ANO4: variants seen among roughly 807,000 people sequenced by gnomAD.
The protein encoded by ANO4 is anoctamin 4, also known as anoctamin-4.
A neutral mutation model predicts 141.9 loss-of-function variants in ANO4; 69 were observed. That is an observed-to-expected ratio of 0.49 (90% CI 0.40 to 0.59). The LOEUF (loss-of-function observed/expected upper bound fraction) is 0.59, where lower values mean the gene tolerates loss of function less well. ANO4 is among the 20% of genes least tolerant of loss of function. The probability of loss-of-function intolerance (pLI) is 0.00; values close to 1 mark genes in which losing one functional copy is unlikely to be tolerated. For missense variants in ANO4, 894 were observed against 1,162.2 expected (o/e 0.77, Z 3.36); for synonymous variants, 350 against 394.3 (o/e 0.89, Z 1.33).
At chr12:100,745,014 A>G (rs1417107197) in intron 3 of ANO4, among the ~76,000 whole-genome samples, 1 of 144,714 alleles carries the variant, frequency 6.9e-6, no homozygotes, top group Non-Finnish European at 1.5e-5. Flanking sequence ...CTCTTTTTCC[A>G]CCTCCTCCTG....
At chr12:100,845,497 A>G (rs115555604) in intron 1 of ANO4, among the ~76,000 whole-genome samples, 1,785 of 152,186 alleles carry the variant, frequency 0.012, 26 homozygotes, top group African/African-American at 0.04. Context: ...CATGACTGAA[A>G]CTTGCCTGTC....
intron 7 of ANO4, among the ~76,000 whole-genome samples, chr12:100,977,768 A>G (rs1406286010): frequency 6.6e-6 from 1 of 152,128 alleles, no homozygotes; most frequent in African/African-American, 2.4e-5. Context: ...AAATCTGATT[A>G]TTGTCACTTG....
chr12:100,859,930 A>G (rs997760521), intron 1 of ANO4, among the ~76,000 whole-genome samples: 4 of 152,150 alleles, frequency 2.6e-5, no homozygotes, highest in African/African-American at 9.7e-5. Flanking sequence ...ATTAAAATTC[A>G]TCCATCACCT....
At chr12:100,891,409 A>G (rs939714618) in intron 1 of ANO4, among the ~76,000 whole-genome samples, 3 of 152,172 alleles carry the variant, frequency 2.0e-5, no homozygotes, top group Non-Finnish European at 4.4e-5. Context: ...CTGTCTTCCA[A>G]AGTGGCCATA....
chr12:100,793,966 ATTG>A (rs2034154183), upstream of ANO4, among the ~76,000 whole-genome samples: 1 of 152,122 alleles, frequency 6.6e-6, no homozygotes, highest in South Asian at 2.1e-4. Flanking sequence ...GTGTTTATGA[ATTG>A]TTATTATTGT....
intron 14 of ANO4, among the ~76,000 whole-genome samples, chr12:101,061,763 C>G (rs946401458): frequency 4.0e-5 from 6 of 151,880 alleles, no homozygotes; most frequent in Admixed American, 1.3e-4. Flanking sequence ...ACTGGTTATT[C>G]TAGTTAGCAA....
chr12:100,831,834 A>G (rs1362125672), intron 1 of ANO4, among the ~76,000 whole-genome samples: 5 of 152,024 alleles, frequency 3.3e-5, no homozygotes, highest in African/African-American at 1.2e-4. Context: ...TGACTTCTTT[A>G]TTAGTAGAGT....
chr12:100,995,730 T>C (rs1438681346), intron 8 of ANO4, among the ~76,000 whole-genome samples: 3 of 152,212 alleles, frequency 2.0e-5, no homozygotes, highest in Admixed American at 2.0e-4. Flanking sequence ...GGCACAGATT[T>C]TATGTGAAAT....
chr12:100,986,720 C>A (rs189411153), intron 7 of ANO4, among the ~76,000 whole-genome samples: 6 of 152,214 alleles, frequency 3.9e-5, no homozygotes, highest in South Asian at 4.2e-4. Context: ...GTAGTGCTAT[C>A]ATTTTAAAGT....
intron 3 of ANO4, among the ~76,000 whole-genome samples, chr12:100,924,157 T>A (rs2041764499): frequency 6.6e-6 from 1 of 152,192 alleles, no homozygotes; most frequent in South Asian, 2.1e-4. Context: ...ATCCCATTTG[T>A]CAATTTTGGC....
At chr12:100,989,599 A>G (rs1216102965) in intron 8 of ANO4, among the ~76,000 whole-genome samples, 3 of 145,858 alleles carry the variant, frequency 2.1e-5, no homozygotes, top group Non-Finnish European at 4.6e-5. Context: ...GGATACATGG[A>G]TAGGTCACTG....
intron 26 of ANO4, among the ~76,000 whole-genome samples, chr12:101,121,265 C>T (rs1197658851): frequency 6.6e-6 from 1 of 151,088 alleles, no homozygotes; most frequent in Non-Finnish European, 1.5e-5. Flanking sequence ...CTGTTGTTCT[C>T]ATCTTTATGT....
intron 1 of ANO4, among the ~76,000 whole-genome samples, chr12:100,883,761 G>C (rs1018041386): frequency 6.6e-6 from 1 of 152,176 alleles, no homozygotes; most frequent in African/African-American, 2.4e-5. Context: ...GCAGTAGGAA[G>C]CAATGTTGAC....
rs373890363 is a variant in ANO4, at chr12:101,099,651, C to G, written c.2080C>G (p.Gln694Glu). The G allele has an allele frequency of 1.4e-5, 22 of 1,611,456 alleles. No homozygotes were observed. Among genetic ancestry groups the G allele is most frequent in the Non-Finnish European group, 1.8e-5 (21 of 1,178,718 alleles). The change falls in exon 22 of 28, where the codon CAA becomes GAA. Residue 694 changes from glutamine (Q) to glutamate (E), a missense_variant. Coordinates refer to ENST00000392977, the MANE Select transcript of ANO4 (RefSeq NM_001286615.2). ...ACCTGAAAGGAAAATAAGTTTCCCA[C>G]AATGGGAAAAGGACTATAACCTTCA... ...HGPERKISFPQWEKDYNLQPM... is the reference protein window; with the variant it reads ...HGPERKISFPEWEKDYNLQPM...
Position 100,937,727 on chromosome 12 carries a change from A to T in ANO4, c.161-1588A>T, listed in dbSNP as rs141686570. ...CTGGAGGTCAGAAGTCCCAAAATCA[A>T]GACTCTCCTCTCTGGAGGCTCCAGG... On this transcript the variant is annotated intron_variant, in intron 3 of 27. Coordinates refer to ENST00000392977, the MANE Select transcript of ANO4 (RefSeq NM_001286615.2). Among the ~76,000 whole-genome samples, 1,355 of 152,240 alleles carry T rather than the reference A, an allele frequency of 8.9e-3. 28 individuals are homozygous for T. The highest frequency in any genetic ancestry group is 0.031 in the African/African-American group (1,291 of 41,530).
chr12:101,088,976 G>A (rs11110649), intron 17 of ANO4, among the ~76,000 whole-genome samples: 20,274 of 152,088 alleles, frequency 0.13, 1,417 homozygotes, highest in East Asian at 0.21. Context: ...ACAGTTGTTA[G>A]GCATGGAGTA....
chr12:100,783,714 A>G (rs1463193753), intron 3 of ANO4, among the ~76,000 whole-genome samples: 1 of 152,136 alleles, frequency 6.6e-6, no homozygotes, highest in Non-Finnish European at 1.5e-5. Flanking sequence ...AGAGGTCAGG[A>G]ATTTGCAGCT....
intron 5 of ANO4, among the ~76,000 whole-genome samples, chr12:100,962,133 A>C (rs1475951495): frequency 6.6e-6 from 1 of 152,204 alleles, no homozygotes; most frequent in East Asian, 1.9e-4. Flanking sequence ...TTAGTTTCTC[A>C]TAAATTTAGC....
chr12:100,979,895 C>CTTTTTTTTTTTTTTT (rs71091474), intron 7 of ANO4, among the ~76,000 whole-genome samples: 38 of 119,400 alleles, frequency 3.2e-4, no homozygotes, highest in African/African-American at 6.9e-4. Context: ...GCCCAGCTGA[C>CTTTTTTTTTTTTTTT]TTTTTTTTTT....
Sources: allele counts gnomAD v4.1 joint callset (sites outside exome capture counted in the v4.1 genomes callset), GRCh38; gene constraint gnomAD v4.1.1; transcripts MANE v1.5; gene names NCBI Gene and HGNC (gene_info 2026-07-23, HGNC 2026-07-21).